The following ZBTB41 variants were observed in gnomAD, a reference collection of about 807,000 sequenced individuals.
ZBTB41 encodes the protein zinc finger and BTB domain-containing protein 41.
In ZBTB41, 42 loss-of-function variants were observed where a neutral mutation model predicts 87.6. That is an observed-to-expected ratio of 0.48 (90% confidence interval 0.37 to 0.62). ZBTB41 has a LOEUF of 0.62. Ranked by LOEUF, ZBTB41 falls within the 20% of genes least tolerant of loss-of-function variation. The pLI, the probability that ZBTB41 is intolerant of heterozygous loss-of-function variation, is 0.00. For missense variants in ZBTB41, 799 were observed against 1,078.9 expected (o/e 0.74, Z 3.63); for synonymous variants, 364 against 364.0 (o/e 1.00, Z 0.00).
rs1279646869 is a variant in ZBTB41 at position 197,159,309 on chromosome 1, C to T, written c.*50G>A. The T allele has an allele frequency of 6.4e-7, 1 of 1,564,596 alleles. No homozygotes were observed. Among genetic ancestry groups the T allele is most frequent in the Non-Finnish European group, 8.8e-7 (1 of 1,142,198 alleles). On this transcript the variant is annotated 3_prime_UTR_variant, in exon 11 of 11. Transcript: ENST00000367405. ...CCCACAAATTTAAAAGCTATCATCT[C>T]TACCATTAGCATATAACCATCCAAA...
Position 197,159,217 on chromosome 1 carries a change from C to G in ZBTB41, c.*142G>C, listed in dbSNP as rs996957582. 5 of 762,054 alleles carry G rather than the reference C, an allele frequency of 6.6e-6. No homozygotes were observed. The highest frequency in any genetic ancestry group is 1.0e-5 in the Non-Finnish European group (5 of 481,260). 47.2% of individuals were successfully genotyped at this position (762,054 alleles called of 1,614,324 possible). On this transcript the variant is annotated 3_prime_UTR_variant, in exon 11 of 11. Transcript: ENST00000367405. The stretch of plus-strand genomic sequence containing the variant: ...TATTCATGTTCAGTAAACAGAGACA[C>G]ATAGTTTTCTTGATTTGAAACTGTT...
At chr1:197,175,146 T>A (rs748382403) in intron 8 of ZBTB41, 31 bp from the exon 9 acceptor site, 2 of 1,566,296 alleles carry the variant, frequency 1.3e-6, no homozygotes, top group Admixed American at 1.7e-5. Flanking sequence ...ATTTTCATTA[T>A]AATATACATC....
intron 9 of ZBTB41, among the ~76,000 whole-genome samples, chr1:197,173,045 CTCAACTGAAAATT>C (rs1212918248): frequency 1.3e-5 from 2 of 151,978 alleles, no homozygotes; most frequent in Non-Finnish European, 2.9e-5. Flanking sequence ...TTAAACAGTT[CTCAACTGAAAATT>C]TTATTGTGAG....
chr1:197,163,897 G>A (rs779503160), intron 10 of ZBTB41, among the ~76,000 whole-genome samples: 1 of 151,684 alleles, frequency 6.6e-6, no homozygotes, highest in African/African-American at 2.4e-5. Context: ...TTACCTATGA[G>A]GTAAAATAAA....
chr1:197,174,921 T>C, intron 9 of ZBTB41, 89 bp downstream of exon 9: 1 of 970,176 alleles, frequency 1.0e-6, no homozygotes, highest in Non-Finnish European at 1.6e-6. Flanking sequence ...TAACCTAACT[T>C]CAATTAAACA....
intron 10 of ZBTB41, among the ~76,000 whole-genome samples, chr1:197,160,239 C>T (rs1422860430): frequency 6.6e-6 from 1 of 152,068 alleles, no homozygotes; most frequent in East Asian, 1.9e-4. Flanking sequence ...ACTTACTAGC[C>T]AAACATTGAG....
rs148044836 is a variant in ZBTB41 at position 197,158,842 on chromosome 1, C to T, written c.*517G>A. 2.0e-3 allele frequency: 310 copies of T among 153,232 alleles called. No individual in the cohort carries two copies. Among genetic ancestry groups the T allele is most frequent in the African/African-American group, 7.2e-3 (299 of 41,516 alleles). The allele number at this position is 153,232 out of a possible 1,614,324, so 9.5% of individuals were successfully genotyped here. ...GAATGGAAAGACAACACAGAAATAT[C>T]CAAGGCATTCTTGTAAATTCAAATT... On this transcript the variant is annotated 3_prime_UTR_variant, in exon 11 of 11. Coordinates refer to ENST00000367405, the MANE Select transcript of ZBTB41 (RefSeq NM_194314.3).
chr1:197,176,487 T>G, intron 8 of ZBTB41, 77 bp downstream of exon 8: 1 of 1,008,224 alleles, frequency 9.9e-7, no homozygotes, highest in Non-Finnish European at 1.5e-6. Flanking sequence ...ATAGCCAACA[T>G]AAACATAACA....
intron 10 of ZBTB41, among the ~76,000 whole-genome samples, chr1:197,171,648 G>C (rs1659481179): frequency 6.6e-6 from 1 of 151,934 alleles, no homozygotes; most frequent in African/African-American, 2.4e-5. Flanking sequence ...ACAACTTCTG[G>C]AAAGCAGCTG....
chr1:197,168,564 ATATGTT>A (rs2125126032), intron 10 of ZBTB41, among the ~76,000 whole-genome samples: 3 of 152,224 alleles, frequency 2.0e-5, no homozygotes, highest in African/African-American at 7.2e-5. Flanking sequence ...TTGGATAACC[ATATGTT>A]AAAAAAAGAA....
chr1:197,160,652 T>G (rs1042859017), intron 10 of ZBTB41, among the ~76,000 whole-genome samples: 3 of 152,118 alleles, frequency 2.0e-5, no homozygotes, highest in Non-Finnish European at 4.4e-5. Context: ...TTTTGTTTTG[T>G]TTTATATAAA....
At chr1:197,160,918 C>T (rs1364174181) in intron 10 of ZBTB41, among the ~76,000 whole-genome samples, 1 of 152,052 alleles carries the variant, frequency 6.6e-6, no homozygotes, top group Non-Finnish European at 1.5e-5. Flanking sequence ...AACTCAATCA[C>T]AAATTGTTAG....
At chr1:197,168,853 G>A (rs890744195) in intron 10 of ZBTB41, among the ~76,000 whole-genome samples, 3 of 151,740 alleles carry the variant, frequency 2.0e-5, no homozygotes, top group South Asian at 2.1e-4. Context: ...ATATATATCC[G>A]GAATGTAGAA....
Position 197,176,117 on chromosome 1 carries a change from G to T in ZBTB41, c.1879+447C>A, listed in dbSNP as rs558446796. ...TAAGGTACTCTTCTCCAAAGACAGG[G>T]TTTCAAAATTCACTATAATATACAC... On this transcript the variant is annotated intron_variant, in intron 8 of 10. Coordinates refer to ENST00000367405, the MANE Select transcript of ZBTB41 (RefSeq NM_194314.3). 29 of 156,074 alleles carry T rather than the reference G, an allele frequency of 1.9e-4. No individual in the cohort carries two copies. The South Asian group carries it at 3.9e-3, about 21-fold the overall frequency. The allele number at this position is 156,074 out of a possible 1,614,324, so 9.7% of individuals were successfully genotyped here.
At chr1:197,172,134 T>A in intron 10 of ZBTB41, 26 bp downstream of exon 10, 1 of 1,006,542 alleles carries the variant, frequency 9.9e-7, no homozygotes, top group Admixed American at 2.9e-5. Context: ...TATATATATA[T>A]CTATGAACCA....
intron 2 of ZBTB41, among the ~76,000 whole-genome samples, chr1:197,197,882 T>C (rs1411242424): frequency 6.6e-6 from 1 of 152,200 alleles, no homozygotes; most frequent in Non-Finnish European, 1.5e-5. Context: ...ACGGGACTAA[T>C]GTTCAGTGGG....
chr1:197,191,903 T>TA lies in ZBTB41; in HGVS notation c.1121-5dup, dbSNP rs756337390. On this transcript the variant is annotated splice_region_variant and splice_polypyrimidine_tract_variant and intron_variant, in intron 2 of 10. Transcript: ENST00000367405. ...CGGGTGTGGCTCTCATATTTTCCTA[T>TA]AAAAAAAGAAAAATTAAAATTAAAT... is the stretch of plus-strand genomic sequence containing the variant. 7 of 1,566,058 alleles carry TA rather than the reference T, an allele frequency of 4.5e-6. No homozygotes were observed. Among genetic ancestry groups the TA allele is most frequent in the Middle Eastern group, 1.8e-4 (1 of 5,480 alleles).
intron 1 of ZBTB41, among the ~76,000 whole-genome samples, chr1:197,200,941 G>C (rs1022373335): frequency 6.6e-6 from 1 of 152,168 alleles, no homozygotes; most frequent in Non-Finnish European, 1.5e-5. Flanking sequence ...TGACAATAAG[G>C]CCGTGGCGGC....
At chr1:197,188,196 A>T in intron 5 of ZBTB41, 96 bp downstream of exon 5, 1 of 1,418,962 alleles carries the variant, frequency 7.0e-7, no homozygotes, top group Non-Finnish European at 9.7e-7. Context: ...AAAGTCTTTT[A>T]GAAGAAAAAG....
Sources: allele counts gnomAD v4.1 joint callset (sites outside exome capture counted in the v4.1 genomes callset), GRCh38; gene constraint gnomAD v4.1.1; transcripts MANE v1.5; gene names NCBI Gene and HGNC (gene_info 2026-07-23, HGNC 2026-07-21).